The following GPA33 variants were observed in gnomAD, a reference collection of about 807,000 sequenced individuals.
GPA33 encodes cell surface A33 antigen.
A neutral mutation model predicts 35.6 loss-of-function variants in GPA33; 27 were observed. The observed-to-expected ratio is 0.76, with a 90% CI of 0.56 to 1.04. The LOEUF (loss-of-function observed/expected upper bound fraction) is 1.04, where lower values mean the gene tolerates loss of function less well. Among genes scored for constraint, GPA33 ranks in the 50% least tolerant of loss-of-function variants. The probability of loss-of-function intolerance (pLI) is 0.00; values close to 1 mark genes in which losing one functional copy is unlikely to be tolerated. For missense variants in GPA33, 428 were observed against 411.9 expected (o/e 1.04, Z -0.34); for synonymous variants, 176 against 164.0 (o/e 1.07, Z -0.56).
At chr1:167,072,004 C>T (rs1397809881) in intron 2 of GPA33, among the ~76,000 whole-genome samples, 2 of 152,172 alleles carry the variant, frequency 1.3e-5, no homozygotes, top group African/African-American at 2.4e-5. Context: ...AGAAGGTTCC[C>T]TTTCGCTCCT....
intron 3 of GPA33, among the ~76,000 whole-genome samples, chr1:167,064,420 T>C (rs1666544247): frequency 6.6e-6 from 1 of 152,148 alleles, no homozygotes; most frequent in Non-Finnish European, 1.5e-5. Flanking sequence ...TAACTCCAGA[T>C]CCTGTGCACT....
chr1:167,086,636 G>T (rs190192727), intron 1 of GPA33, among the ~76,000 whole-genome samples: 1 of 152,332 alleles, frequency 6.6e-6, no homozygotes, highest in Non-Finnish European at 1.5e-5. Context: ...TGCCAGGGAA[G>T]GGTTCTAAAA....
At chr1:167,077,302 C>T (rs972775133) in intron 1 of GPA33, among the ~76,000 whole-genome samples, 2 of 152,174 alleles carry the variant, frequency 1.3e-5, no homozygotes, top group Non-Finnish European at 2.9e-5. Flanking sequence ...CCTCCAGTGC[C>T]GTCTGCCCAG....
At chr1:167,078,247 G>A (rs1002986036) in intron 1 of GPA33, among the ~76,000 whole-genome samples, 7 of 152,178 alleles carry the variant, frequency 4.6e-5, no homozygotes, top group East Asian at 1.9e-4. Flanking sequence ...TCTACTCAGG[G>A]AGATAAGATA....
intron 1 of GPA33, among the ~76,000 whole-genome samples, chr1:167,080,495 C>T (rs1666904137): frequency 6.6e-6 from 1 of 152,198 alleles, no homozygotes; most frequent in African/African-American, 2.4e-5. Flanking sequence ...TCTCATAAAA[C>T]TTTATTACAC....
intron 4 of GPA33, among the ~76,000 whole-genome samples, chr1:167,063,074 G>A (rs1484585772): frequency 6.6e-6 from 1 of 152,240 alleles, no homozygotes; most frequent in Non-Finnish European, 1.5e-5. Context: ...CTTCCGCTAC[G>A]CGCTTTACAT....
At chr1:167,056,794 C>CATGTG (rs1261442199) in intron 4 of GPA33, among the ~76,000 whole-genome samples, 1 of 2,538 alleles carries the variant, frequency 3.9e-4, no homozygotes, top group African/African-American at 1.8e-3. Context: ...TAGTGTGGTG[C>CATGTG]GTGTGGTGTG....
intron 1 of GPA33, among the ~76,000 whole-genome samples, chr1:167,087,953 G>C (rs559665239): frequency 2.5e-5 from 3 of 122,432 alleles, no homozygotes. Flanking sequence ...ACTTTTAGTC[G>C]GTTTTATGAT....
chr1:167,063,556 G>A lies in GPA33; in HGVS notation c.571+26C>T. On this transcript the variant is annotated intron_variant, in intron 4 of 6. Coordinates refer to ENST00000367868, the MANE Select transcript of GPA33 (RefSeq NM_005814.3). ...CATGTGTTGCACTTTGACGTGGGGA[G>A]CCCGCCTTCCCTACTGCCCCCTTAC... 3 of 1,580,134 alleles carry A rather than the reference G, an allele frequency of 1.9e-6. No individual in the cohort carries two copies. The South Asian group carries it at 3.4e-5, about 18-fold the overall frequency.
chr1:167,087,436 G>C (rs374621379), intron 1 of GPA33, among the ~76,000 whole-genome samples: 1 of 152,174 alleles, frequency 6.6e-6, no homozygotes, highest in African/African-American at 2.4e-5. Context: ...CAGACTAGAA[G>C]ACTGTGCAAG....
chr1:167,088,685 G>T (rs1667101676), intron 1 of GPA33, among the ~76,000 whole-genome samples: 1 of 152,200 alleles, frequency 6.6e-6, no homozygotes, highest in South Asian at 2.1e-4. Flanking sequence ...TCCAAGCTGG[G>T]TGAGCATCTT....
rs144624914 is a variant in GPA33, at chr1:167,054,443, G to A, written c.851C>T (p.Pro284Leu). Residue 284 changes from proline (P) to leucine (L), a missense_variant, in exon 7 of 7, where the codon CCA becomes CTA. By Grantham distance (98) the Pro-to-Leu change is moderately conservative. Coordinates refer to ENST00000367868, the MANE Select transcript of GPA33 (RefSeq NM_005814.3). ...GGAAAGTTCTCTTAGCTGCTCTGGT[G>A]GCTCCTCATAGGCTTCCCGGTTCCT... ...ARPNREAYEEPPEQLRELSRE... is the reference protein window; with the variant it reads ...ARPNREAYEELPEQLRELSRE... 6.8e-5 allele frequency: 110 copies of A among 1,614,056 alleles called. No individual in the cohort carries two copies. The African/African-American group carries it at 1.1e-3, about 17-fold the overall frequency.
intron 3 of GPA33, among the ~76,000 whole-genome samples, chr1:167,066,750 C>T (rs1666600083): frequency 1.3e-5 from 2 of 152,252 alleles, no homozygotes; most frequent in Non-Finnish European, 2.9e-5. Flanking sequence ...GGAAACGGAA[C>T]CAGTCGGGTG....
At chr1:167,073,131 A>G (rs1159450775) in intron 2 of GPA33, among the ~76,000 whole-genome samples, 1 of 152,216 alleles carries the variant, frequency 6.6e-6, no homozygotes, top group Admixed American at 6.5e-5. Flanking sequence ...ACTGACTCGC[A>G]TGATACAATT....
intron 1 of GPA33, among the ~76,000 whole-genome samples, chr1:167,083,624 A>T (rs1384189354): frequency 6.6e-6 from 1 of 152,230 alleles, no homozygotes; most frequent in African/African-American, 2.4e-5. Flanking sequence ...AAACCACCAT[A>T]GTAACGAGTG....
rs1666207210 is a variant in GPA33 at position 167,055,012 on chromosome 1, T to G, written c.791A>C (p.Lys264Thr). The change falls in exon 6 of 7, where the codon AAG (lysine) becomes ACG (threonine). Residue 264 changes from lysine to threonine, a missense_variant. By Grantham distance (78) the Lys-to-Thr change is moderately conservative (BLOSUM62 -1). Coordinates refer to ENST00000367868, the MANE Select transcript of GPA33 (RefSeq NM_005814.3). The part of the protein sequence containing the change: ...IIIYCCCCRG[K>T]DDNTEDKEDA... ...CTCCTTGTCTTCAGTGTTGTCGTCC[T>G]TCCCTCGGCAGCAGCAGCAGTAGAT... The G allele has an allele frequency of 6.2e-7, 1 of 1,614,078 alleles. No individual in the cohort carries two copies. Among genetic ancestry groups the G allele is most frequent in the African/African-American group, 1.3e-5 (1 of 75,044 alleles).
At chr1:167,075,259 G>C (rs902157859) in intron 1 of GPA33, among the ~76,000 whole-genome samples, 1 of 152,164 alleles carries the variant, frequency 6.6e-6, no homozygotes, top group African/African-American at 2.4e-5. Flanking sequence ...TAGAAGTGGG[G>C]TGGGGAACAA....
At chr1:167,084,965 G>C (rs1321831936) in intron 1 of GPA33, among the ~76,000 whole-genome samples, 1 of 152,190 alleles carries the variant, frequency 6.6e-6, no homozygotes, top group Non-Finnish European at 1.5e-5. Flanking sequence ...GAGCTCACTG[G>C]GAAAGACCCA....
chr1:167,060,554 A>ATAAAGATTTCACAAAT (rs1553243329), intron 4 of GPA33, among the ~76,000 whole-genome samples: 18 of 152,068 alleles, frequency 1.2e-4, no homozygotes, highest in Middle Eastern at 3.4e-3. Context: ...TAGAGACAGG[A>ATAAAGATTTCACAAAT]TAAAGCTTTC....
Sources: allele counts gnomAD v4.1 joint callset (sites outside exome capture counted in the v4.1 genomes callset), GRCh38; gene constraint gnomAD v4.1.1; transcripts MANE v1.5; gene names NCBI Gene and HGNC (gene_info 2026-07-23, HGNC 2026-07-21).